NCK2: variants seen among roughly 807,000 people sequenced by gnomAD.
The protein encoded by NCK2 is cytoplasmic protein NCK2.
Under a neutral mutation model 33.9 loss-of-function variants are expected in NCK2, and 16 were observed. That is an observed-to-expected ratio of 0.47 (90% confidence interval 0.32 to 0.72). NCK2 has a LOEUF of 0.72. Ranked by LOEUF, NCK2 falls within the 30% of genes least tolerant of loss-of-function variation. NCK2 has a pLI of 0.03. For missense variants in NCK2, 418 were observed against 537.3 expected (o/e 0.78, Z 2.19); for synonymous variants, 273 against 239.9 (o/e 1.14, Z -1.27).
chr2:105,763,311 C>T (rs921913189), intron 1 of NCK2, among the ~76,000 whole-genome samples: 18 of 152,250 alleles, frequency 1.2e-4, no homozygotes, highest in Admixed American at 5.9e-4. Flanking sequence ...CTCTGATGAC[C>T]GAGCTGCTGG....
At position 105,799,749 on chromosome 2, in the gene NCK2, T is replaced by C. The variant is rs567516806; in HGVS notation, c.-200-16681T>C. On this transcript the variant is annotated intron_variant, in intron 1 of 4. Transcript: ENST00000233154. Reference sequence around the variant, plus strand: ...GTTTTGGCATGGAGGGATGCTTCCCTCTACCTCAAGCCTAAAAGTGGTTAA... The same window carrying C: ...GTTTTGGCATGGAGGGATGCTTCCCCCTACCTCAAGCCTAAAAGTGGTTAA... 2.6e-5 allele frequency among the ~76,000 whole-genome samples: 4 copies of C among 152,328 alleles called. No individual in the cohort carries two copies. In the East Asian group the frequency reaches 7.7e-4, roughly 29 times the overall value.
chr2:105,872,579 G>T (rs1452432074), intron 3 of NCK2, among the ~76,000 whole-genome samples: 2 of 152,208 alleles, frequency 1.3e-5, no homozygotes, highest in Admixed American at 1.3e-4. Context: ...GGTTTAGGAG[G>T]CTGGGTAGGT....
At chr2:105,881,297 T>G in intron 3 of NCK2, 31 bp from the exon 4 acceptor site, 1 of 1,553,000 alleles carries the variant, frequency 6.4e-7, no homozygotes, top group Non-Finnish European at 8.7e-7. Context: ...CCAAGTGCCC[T>G]GCGCCACTGA....
chr2:105,845,820 G>A (rs1290595097), intron 2 of NCK2, among the ~76,000 whole-genome samples: 1 of 152,108 alleles, frequency 6.6e-6, no homozygotes, highest in East Asian at 1.9e-4. Flanking sequence ...TTGGGAGCAG[G>A]GAGTATGCAC....
Position 105,771,826 on chromosome 2 carries a change from G to A in NCK2, c.-201+26688G>A, listed in dbSNP as rs555470649. ...CTGTCTGAAGTAAAAACCCTCTGGTGTGAAAGCTGCCATTCCTTTGTGAGG... is the reference window on the plus strand; with the variant it reads ...CTGTCTGAAGTAAAAACCCTCTGGTATGAAAGCTGCCATTCCTTTGTGAGG... On this transcript the variant is annotated intron_variant, in intron 1 of 4. Transcript: ENST00000233154. 5.9e-5 allele frequency among the ~76,000 whole-genome samples: 9 copies of A among 152,268 alleles called. No homozygotes were observed. The East Asian group carries it at 1.5e-3, about 26-fold the overall frequency.
At chr2:105,840,270 A>G (rs1373278756) in intron 2 of NCK2, among the ~76,000 whole-genome samples, 1 of 152,190 alleles carries the variant, frequency 6.6e-6, no homozygotes, top group South Asian at 2.1e-4. Flanking sequence ...GATTCAGTCC[A>G]CGGAGGAGGA....
intron 1 of NCK2, among the ~76,000 whole-genome samples, chr2:105,785,341 G>A (rs1690639677): frequency 1.3e-5 from 2 of 152,166 alleles, no homozygotes; most frequent in East Asian, 1.9e-4. Context: ...AGAACCAGAG[G>A]ACGGTTCCCC....
chr2:105,807,370 T>C (rs1675088289), intron 1 of NCK2, among the ~76,000 whole-genome samples: 1 of 152,220 alleles, frequency 6.6e-6, no homozygotes, highest in Non-Finnish European at 1.5e-5. Context: ...TTCTGGGCTA[T>C]GGGAAAGCCC....
intron 3 of NCK2, 106 bp downstream of exon 3, chr2:105,855,395 G>A: frequency 1.2e-6 from 1 of 810,008 alleles, no homozygotes; most frequent in Non-Finnish European, 1.9e-6. Context: ...TGTTTTAAAA[G>A]TTAATATCTT....
intron 1 of NCK2, among the ~76,000 whole-genome samples, chr2:105,764,328 A>G (rs1386208565): frequency 6.6e-6 from 1 of 152,220 alleles, no homozygotes; most frequent in Non-Finnish European, 1.5e-5. Flanking sequence ...TAATTATTTT[A>G]GCCCCACAGC....
intron 3 of NCK2, among the ~76,000 whole-genome samples, chr2:105,856,046 G>A (rs965826719): frequency 6.6e-6 from 1 of 152,118 alleles, no homozygotes; most frequent in Non-Finnish European, 1.5e-5. Context: ...GTGTTAGCCA[G>A]GATGATCTCG....
At chr2:105,886,765 A>G (rs572835528) in intron 4 of NCK2, among the ~76,000 whole-genome samples, 2 of 152,228 alleles carry the variant, frequency 1.3e-5, no homozygotes, top group Admixed American at 6.5e-5. Context: ...TAGGAAATAC[A>G]TTTGGGGATA....
chr2:105,865,018 C>T (rs1677692538), intron 3 of NCK2, among the ~76,000 whole-genome samples: 1 of 152,140 alleles, frequency 6.6e-6, no homozygotes, highest in Non-Finnish European at 1.5e-5. Context: ...AGCAGGAGGC[C>T]TCTTGGTAGC....
At chr2:105,749,180 G>T (rs770862782) in intron 1 of NCK2, among the ~76,000 whole-genome samples, 7 of 152,174 alleles carry the variant, frequency 4.6e-5, no homozygotes, top group African/African-American at 7.2e-5. Flanking sequence ...AATTCAAAAC[G>T]CTGGGCAGAC....
intron 1 of NCK2, among the ~76,000 whole-genome samples, chr2:105,758,413 GTTTTT>G (rs574939583): frequency 7.5e-6 from 1 of 132,532 alleles, no homozygotes; most frequent in Non-Finnish European, 1.6e-5. Flanking sequence ...TGTTGTTTTT[GTTTTT>G]TTTTTTTTTT....
chr2:105,882,316 C>T (rs964959007), intron 4 of NCK2, among the ~76,000 whole-genome samples: 2 of 152,154 alleles, frequency 1.3e-5, no homozygotes, highest in African/African-American at 2.4e-5. Context: ...CCAAGATTCC[C>T]CCTCTTGTAT....
Position 105,822,467 on chromosome 2 carries a change from C to G in NCK2, c.-17+5854C>G, listed in dbSNP as rs142863192. Reference sequence around the variant, plus strand: ...CACTTCCTGTGTGCTGAGGCCATCTCTAAGGTCCCTGACGCTTCCCACAGC... The same window carrying G: ...CACTTCCTGTGTGCTGAGGCCATCTGTAAGGTCCCTGACGCTTCCCACAGC... On this transcript the variant is annotated intron_variant, in intron 2 of 4. Transcript: ENST00000233154. Among the ~76,000 whole-genome samples the G allele has an allele frequency of 2.3e-4, 35 of 152,176 alleles. 1 individual carries two copies. Among genetic ancestry groups the G allele is most frequent in the African/African-American group, 8.0e-4 (33 of 41,420 alleles).
At chr2:105,885,738 A>T (rs879564648) in intron 4 of NCK2, among the ~76,000 whole-genome samples, 24 of 152,178 alleles carry the variant, frequency 1.6e-4, no homozygotes, top group Non-Finnish European at 1.9e-4. Flanking sequence ...TAGTGGTTTT[A>T]TATATTCTTG....
chr2:105,869,080 G>A (rs889418736), intron 3 of NCK2, among the ~76,000 whole-genome samples: 4 of 152,156 alleles, frequency 2.6e-5, no homozygotes, highest in Admixed American at 6.5e-5. Flanking sequence ...ACCCTTACCT[G>A]GGAAACGGGG....
Sources: gnomAD v4.1 joint callset for allele counts (sites outside exome capture counted in the v4.1 genomes callset) on GRCh38, gnomAD v4.1.1 for gene constraint, MANE v1.5 for transcripts, NCBI Gene and HGNC (gene_info 2026-07-23, HGNC 2026-07-21) for gene names.